The following INF2 variants were observed in gnomAD, a reference collection of about 807,000 sequenced individuals.
The protein encoded by INF2 is inverted formin 2, also known as inverted formin-2.
A neutral mutation model predicts 123.5 loss-of-function variants in INF2; 43 were observed. That is an observed-to-expected ratio of 0.35 (90% CI 0.27 to 0.45). The LOEUF is 0.45. INF2 is among the 20% of genes least tolerant of loss of function. The pLI, the probability that INF2 is intolerant of heterozygous loss-of-function variation, is 1.00. For missense variants in INF2, 1,453 were observed against 1,682.7 expected (o/e 0.86, Z 2.39); for synonymous variants, 851 against 745.0 (o/e 1.14, Z -2.32).
At chr14:104,700,588 A>T (rs1889430956) in intron 1 of INF2, among the ~76,000 whole-genome samples, 2 of 152,274 alleles carry the variant, frequency 1.3e-5, no homozygotes, top group Middle Eastern at 3.4e-3. Context: ...TCAGAGGTGC[A>T]ACCCGCCTGT....
Position 104,707,552 on chromosome 14 carries a change from CTGCTCCCT to C in INF2, c.1286_1293del (p.Leu429ArgfsTer21). On this transcript the variant is annotated frameshift_variant, in exon 8 of 23. Coordinates refer to ENST00000392634, the MANE Select transcript of INF2 (RefSeq NM_022489.4). LOFTEE classifies it high-confidence loss of function. Reference sequence around the variant, plus strand: ...CCCACCCCCACCCCCACCCCCACCCCTGCTCCCTGGTTCCAGTGCCGAGCCCCCTCCCC... The same window carrying C: ...CCCACCCCCACCCCCACCCCCACCCCGGTTCCAGTGCCGAGCCCCCTCCCC... The C allele has an allele frequency of 8.3e-7, 1 of 1,208,338 alleles. No homozygotes were observed. Among genetic ancestry groups the C allele is most frequent in the Non-Finnish European group, 1.1e-6 (1 of 920,186 alleles). 74.9% of individuals were successfully genotyped at this position (1,208,338 alleles called of 1,614,324 possible).
At chr14:104,691,687 C>A (rs1239550167) in intron 1 of INF2, among the ~76,000 whole-genome samples, 5 of 152,180 alleles carry the variant, frequency 3.3e-5, no homozygotes. Flanking sequence ...CACCTAAAGT[C>A]AAAGACTAAG....
rs758225140 is a variant in INF2, at chr14:104,701,409, A to G, written c.44A>G (p.Lys15Arg). ...GCACAGCGCAAGTGGGCAGCGCTGA[A>G]GGAGAAGCTGGGGCCACAGGATTCG... ...EGAQRKWAAL[K>R]EKLGPQDSDP... Residue 15 changes from lysine (K) to arginine (R), a missense_variant, in exon 2 of 23, where the codon AAG becomes AGG. Transcript: ENST00000392634. The G allele has an allele frequency of 1.9e-6, 3 of 1,595,060 alleles. No individual in the cohort carries two copies. The highest frequency in any genetic ancestry group is 1.7e-5 in the Admixed American group (1 of 58,350).
chr14:104,712,848 G>A lies in INF2; in HGVS notation c.2631G>A (p.Arg877=), dbSNP rs1245993479. Reference sequence around the variant, plus strand: ...CCCAGGCCAGCATCTCGGCCTTCCGGGCACTGGATGAGCTGTTTGAGGCCA... The same window carrying A: ...CCCAGGCCAGCATCTCGGCCTTCCGAGCACTGGATGAGCTGTTTGAGGCCA... The part of the protein sequence containing the change: ...ERLQASISAF[R]ALDELFEAIE... The change falls in exon 18 of 23, where the codon CGG becomes CGA. Residue 877 remains arginine (R), a synonymous_variant. Coordinates refer to ENST00000392634, the MANE Select transcript of INF2 (RefSeq NM_022489.4). 1 of 1,611,552 alleles carries A rather than the reference G, an allele frequency of 6.2e-7. No individual in the cohort carries two copies. Among genetic ancestry groups the A allele is most frequent in the Non-Finnish European group, 8.5e-7 (1 of 1,178,996 alleles).
In INF2 at chr14:104,703,259, C is replaced by T. The variant is rs765963243; in HGVS notation, c.508-36C>T. ...CCTGGGCCTGGGCACATGGGGCTCC[C>T]TGCCTGGGTGTGCCCTGACCCCGCC... is the stretch of plus-strand genomic sequence containing the variant. On this transcript the variant is annotated intron_variant, in intron 3 of 22. Coordinates refer to ENST00000392634, the MANE Select transcript of INF2 (RefSeq NM_022489.4). 1.5e-4 allele frequency: 244 copies of T among 1,613,036 alleles called. No homozygotes were observed. In the South Asian group the frequency reaches 2.5e-3, roughly 17 times the overall value.
intron 1 of INF2, among the ~76,000 whole-genome samples, chr14:104,700,018 G>A (rs1889396591): frequency 1.3e-5 from 2 of 152,114 alleles, no homozygotes; most frequent in Admixed American, 1.3e-4. Context: ...GCTGGGGAGT[G>A]GGCCTGAGAC....
chr14:104,697,762 A>G (rs995404972), intron 1 of INF2, among the ~76,000 whole-genome samples: 5 of 152,246 alleles, frequency 3.3e-5, no homozygotes, highest in Admixed American at 1.3e-4. Flanking sequence ...TTGGTTGACA[A>G]AAGCAAGTGC....
chr14:104,689,587 T>TCCAGCCCC, upstream of INF2: 1 of 851,068 alleles, frequency 1.2e-6, no homozygotes, highest in Non-Finnish European at 1.4e-6. Context: ...CACCTCCTCT[T>TCCAGCCCC]CCTCCCGCCC....
intron 1 of INF2, chr14:104,683,932 G>C (rs1238824636): frequency 1.5e-5 from 6 of 411,854 alleles, no homozygotes; most frequent in Admixed American, 5.2e-5. Context: ...TATGGGTTGG[G>C]GTGCGGGTGG....
chr14:104,701,406 T>A lies in INF2; in HGVS notation c.41T>A (p.Leu14Gln). 1 of 1,594,440 alleles carries A rather than the reference T, an allele frequency of 6.3e-7. No individual in the cohort carries two copies. Among genetic ancestry groups the A allele is most frequent in the Non-Finnish European group, 8.5e-7 (1 of 1,170,106 alleles). The change falls in exon 2 of 23, where the codon CTG (leucine) becomes CAG (glutamine). Residue 14 changes from leucine (L) to glutamine (Q), a missense_variant. Coordinates refer to ENST00000392634, the MANE Select transcript of INF2 (RefSeq NM_022489.4). The part of the protein sequence containing the change: ...KEGAQRKWAA[L>Q]KEKLGPQDSD... ...GGCGCACAGCGCAAGTGGGCAGCGC[T>A]GAAGGAGAAGCTGGGGCCACAGGAT...
In INF2 at chr14:104,689,647, G is replaced by A; in HGVS notation, c.-102G>A. 1.0e-6 allele frequency: 1 copy of A among 974,286 alleles called. No individual in the cohort carries two copies. The highest frequency in any genetic ancestry group is 4.7e-5 in the South Asian group (1 of 21,084). The allele number at this position is 974,286 out of a possible 1,614,324, so 60.4% of individuals were successfully genotyped here. On this transcript the variant is annotated 5_prime_UTR_variant, in exon 1 of 23. Coordinates refer to ENST00000392634, the MANE Select transcript of INF2 (RefSeq NM_022489.4). ...GGAGCCACCGTCCGAGCCTTGCGGA[G>A]CGCGGCAGTGGGCGCCGGCTGCCCG...
chr14:104,695,904 A>G (rs1276533476), intron 1 of INF2, among the ~76,000 whole-genome samples: 1 of 152,086 alleles, frequency 6.6e-6, no homozygotes, highest in East Asian at 1.9e-4. Context: ...TGGGTGACCC[A>G]AGCAGGGGCT....
Position 104,721,735 on chromosome 14 carries a change from GGT to G in INF2, c.*2944_*2945del, listed in dbSNP as rs1385341614. 6.6e-6 allele frequency: 1 copy of G among 152,292 alleles called. No individual in the cohort carries two copies. Among genetic ancestry groups the G allele is most frequent in the Non-Finnish European group, 1.5e-5 (1 of 68,114 alleles). The allele number at this position is 152,292 out of a possible 1,614,324, so 9.4% of individuals were successfully genotyped here. A position where few individuals can be genotyped will look rare whatever the true frequency, so the allele number is the denominator to read the frequency against. On this transcript the variant is annotated 3_prime_UTR_variant, in exon 23 of 23. Coordinates refer to ENST00000392634, the MANE Select transcript of INF2 (RefSeq NM_022489.4). ...GACCATCGCCCCTCCTGCCTGGAGA[GGT>G]GGGACTGGGGACCCTGTGACAGGAG...
At chr14:104,702,073 CCCTCGTCCACA>C (rs1400217685) in intron 2 of INF2, among the ~76,000 whole-genome samples, 1 of 152,144 alleles carries the variant, frequency 6.6e-6, no homozygotes, top group Non-Finnish European at 1.5e-5. Context: ...GGGCTCTCTG[CCCTCGTCCACA>C]CCTCGGCGGC....
intron 1 of INF2, among the ~76,000 whole-genome samples, chr14:104,693,437 T>C (rs924600033): frequency 6.6e-6 from 1 of 152,212 alleles, no homozygotes; most frequent in African/African-American, 2.4e-5. Context: ...CTTCCCATTT[T>C]GCAGACGAGG....
chr14:104,707,114 T>C lies in INF2; in HGVS notation c.985+63T>C, dbSNP rs906736321. 9 of 1,396,710 alleles carry C rather than the reference T, an allele frequency of 6.4e-6. No homozygotes were observed. In the East Asian group the frequency reaches 1.3e-4, roughly 20 times the overall value. 86.5% of individuals were successfully genotyped at this position (1,396,710 alleles called of 1,614,324 possible). On this transcript the variant is annotated intron_variant, in intron 7 of 22. Coordinates refer to ENST00000392634, the MANE Select transcript of INF2 (RefSeq NM_022489.4). The stretch of plus-strand genomic sequence containing the variant: ...GGGCAGACACTGAGGTCTTAGACCA[T>C]GGGGGGGGGAGCCTGCCCTTGGCCC...
intron 20 of INF2, 49 bp from the exon 21 acceptor site, chr14:104,714,154 G>C (rs546376515): frequency 2.1e-6 from 3 of 1,438,702 alleles, no homozygotes; most frequent in South Asian, 1.5e-5. Flanking sequence ...CACCTGGGCT[G>C]GCTCGGGGGC....
At chr14:104,717,324 C>T (rs1411439132) in intron 22 of INF2, among the ~76,000 whole-genome samples, 2 of 136,218 alleles carry the variant, frequency 1.5e-5, no homozygotes, top group Non-Finnish European at 3.1e-5. Flanking sequence ...GCGCTGCCGT[C>T]CTCCTAGTCC....
intron 1 of INF2, chr14:104,690,517 C>T (rs1888891811): frequency 6.6e-6 from 1 of 152,432 alleles, no homozygotes; most frequent in African/African-American, 2.4e-5. Context: ...CAGCTGTGAC[C>T]ACAGCATTAC....
Sources: allele counts gnomAD v4.1 joint callset (sites outside exome capture counted in the v4.1 genomes callset), GRCh38; gene constraint gnomAD v4.1.1; transcripts MANE v1.5; gene names NCBI Gene and HGNC (gene_info 2026-07-23, HGNC 2026-07-21).